Variants in CYP7B1 observed in about 807,000 individuals in gnomAD.
CYP7B1 encodes cytochrome P450 7B1.
A neutral mutation model predicts 42.7 loss-of-function variants in CYP7B1; 29 were observed. The observed-to-expected ratio is 0.68, with a 90% confidence interval of 0.51 to 0.93. The LOEUF (loss-of-function observed/expected upper bound fraction) is 0.93. CYP7B1 is among the 40% of genes least tolerant of loss of function. The pLI is 0.00. For missense variants in CYP7B1, 655 were observed against 600.5 expected, an observed-to-expected ratio of 1.09 and a Z score of -0.95; for synonymous variants, 235 against 218.2, an observed-to-expected ratio of 1.08 and a Z score of -0.68.
At chr8:64,767,666 A>G (rs757393504) in intron 1 of CYP7B1, among the ~76,000 whole-genome samples, 1 of 152,238 alleles carries the variant, frequency 6.6e-6, no homozygotes, top group Non-Finnish European at 1.5e-5. Flanking sequence ...TTTCAAAACT[A>G]TCAAGCAGAT....
At chr8:64,678,094 G>A (rs1806479123) in intron 1 of CYP7B1, among the ~76,000 whole-genome samples, 1 of 152,066 alleles carries the variant, frequency 6.6e-6, no homozygotes, top group South Asian at 2.1e-4. Context: ...GCTCTGACCT[G>A]TACATCTTGC....
chr8:64,749,333 G>A (rs555594661), intron 1 of CYP7B1, among the ~76,000 whole-genome samples: 8 of 152,138 alleles, frequency 5.3e-5, no homozygotes, highest in South Asian at 2.1e-4. Flanking sequence ...CACTCGCCTC[G>A]GCTTTCCAAA....
intron 1 of CYP7B1, among the ~76,000 whole-genome samples, chr8:64,690,395 C>A (rs1043820835): frequency 1.3e-5 from 2 of 152,132 alleles, no homozygotes; most frequent in African/African-American, 2.4e-5. Context: ...ACAGTGAGAC[C>A]CTGTCTCCAC....
At chr8:64,648,382 A>G (rs1443943972) in intron 1 of CYP7B1, among the ~76,000 whole-genome samples, 3 of 152,206 alleles carry the variant, frequency 2.0e-5, no homozygotes, top group African/African-American at 7.2e-5. Flanking sequence ...TGTTAAAGAG[A>G]AATACAACGC....
rs1410531135 is a variant in CYP7B1 at position 64,615,128 on chromosome 8, G to A, written c.955C>T (p.Arg319Cys). Residue 319 changes from arginine to cysteine, a missense_variant, in exon 4 of 6, where the codon CGT becomes TGT. Coordinates refer to ENST00000310193, the MANE Select transcript of CYP7B1 (RefSeq NM_004820.5). Reference sequence around the variant, plus strand: ...TGCAGCAAACGGTCAATTTCGTCACGCACTGCTGCCATAGCTTCTGGGTGC... The same window carrying A: ...TGCAGCAAACGGTCAATTTCGTCACACACTGCTGCCATAGCTTCTGGGTGC... ...LRHPEAMAAV[R>C]DEIDRLLQST... 13 of 1,613,470 alleles carry A rather than the reference G, an allele frequency of 8.1e-6. No individual in the cohort carries two copies. Among genetic ancestry groups the A allele is most frequent in the Middle Eastern group, 1.6e-4 (1 of 6,084 alleles).
chr8:64,730,792 A>G (rs1807397515), intron 1 of CYP7B1, among the ~76,000 whole-genome samples: 2 of 112,718 alleles, frequency 1.8e-5, no homozygotes, highest in South Asian at 5.6e-4. Flanking sequence ...CACACTCTGT[A>G]TATATGAAAT....
chr8:64,631,878 A>G (rs924808934), intron 1 of CYP7B1, among the ~76,000 whole-genome samples: 9 of 134,892 alleles, frequency 6.7e-5, no homozygotes, highest in Non-Finnish European at 7.9e-5. Flanking sequence ...AGCACCTCAT[A>G]CCTGTCAGGA....
chr8:64,685,344 AG>A (rs1341850912), intron 1 of CYP7B1, among the ~76,000 whole-genome samples: 1 of 127,902 alleles, frequency 7.8e-6, no homozygotes, highest in Non-Finnish European at 1.7e-5. Flanking sequence ...GGATGTGAGG[AG>A]CCCCTCTGCC....
chr8:64,666,296 C>T (rs1464434752), intron 1 of CYP7B1, among the ~76,000 whole-genome samples: 1 of 152,094 alleles, frequency 6.6e-6, no homozygotes, highest in Non-Finnish European at 1.5e-5. Flanking sequence ...TACTCACTGT[C>T]CTTGGCATTA....
intron 1 of CYP7B1, among the ~76,000 whole-genome samples, chr8:64,751,582 G>A (rs1004084188): frequency 2.0e-5 from 3 of 152,078 alleles, no homozygotes; most frequent in South Asian, 2.1e-4. Flanking sequence ...GCACCTCTAT[G>A]ATTATTTCCC....
intron 4 of CYP7B1, among the ~76,000 whole-genome samples, chr8:64,610,981 G>C (rs1159981755): frequency 6.6e-6 from 1 of 152,054 alleles, no homozygotes; most frequent in Admixed American, 6.6e-5. Context: ...ACTTAACACA[G>C]TGGCAGGCAC....
At chr8:64,703,009 AT>A (rs960050787) in intron 1 of CYP7B1, among the ~76,000 whole-genome samples, 19 of 79,278 alleles carry the variant, frequency 2.4e-4, no homozygotes, top group East Asian at 6.2e-4. Flanking sequence ...ATACATCTAT[AT>A]TTTTTTTCTT....
chr8:64,597,827 C>A (rs149894889), intron 5 of CYP7B1, among the ~76,000 whole-genome samples: 1 of 152,136 alleles, frequency 6.6e-6, no homozygotes, highest in African/African-American at 2.4e-5. Context: ...ATGGAAACGA[C>A]CAAGTATTTC....
intron 1 of CYP7B1, among the ~76,000 whole-genome samples, chr8:64,632,059 T>C (rs1805704894): frequency 6.6e-6 from 1 of 152,164 alleles, no homozygotes; most frequent in South Asian, 2.1e-4. Context: ...AGTAATTATA[T>C]AATCCACTTC....
intron 1 of CYP7B1, among the ~76,000 whole-genome samples, chr8:64,727,017 G>C (rs1278383443): frequency 6.6e-6 from 1 of 152,140 alleles, no homozygotes; most frequent in African/African-American, 2.4e-5. Flanking sequence ...GCATGAACCT[G>C]CAACACAAAT....
chr8:64,710,573 C>T (rs1213149312), intron 1 of CYP7B1, among the ~76,000 whole-genome samples: 1 of 152,094 alleles, frequency 6.6e-6, no homozygotes, highest in Non-Finnish European at 1.5e-5. Context: ...TGGAAATAAT[C>T]TTTCTTTTCT....
intron 1 of CYP7B1, among the ~76,000 whole-genome samples, chr8:64,665,089 C>G (rs923934203): frequency 2.6e-5 from 4 of 152,156 alleles, no homozygotes; most frequent in Non-Finnish European, 5.9e-5. Flanking sequence ...CAGTGGGATG[C>G]ACATTAATAT....
intron 1 of CYP7B1, among the ~76,000 whole-genome samples, chr8:64,682,094 G>A (rs1806547466): frequency 1.3e-5 from 2 of 152,174 alleles, no homozygotes; most frequent in Non-Finnish European, 2.9e-5. Flanking sequence ...TTAAAGATGG[G>A]CAACCGTTCA....
intron 5 of CYP7B1, 90 bp from the exon 6 acceptor site, chr8:64,597,019 T>A: frequency 8.7e-7 from 1 of 1,153,238 alleles, no homozygotes; most frequent in Non-Finnish European, 1.2e-6. Context: ...CTGCCTGTCT[T>A]AAAAAGCTCC....
Sources: gnomAD v4.1 joint callset for allele counts (sites outside exome capture counted in the v4.1 genomes callset) on GRCh38, gnomAD v4.1.1 for gene constraint, MANE v1.5 for transcripts, NCBI Gene and HGNC (gene_info 2026-07-23, HGNC 2026-07-21) for gene names.